The following DSE variants were observed in gnomAD, a reference collection of about 807,000 sequenced individuals.
The protein encoded by DSE is dermatan-sulfate epimerase.
In DSE, 36 loss-of-function variants were observed where a neutral mutation model predicts 84.4. The observed-to-expected ratio is 0.43, with a 90% CI of 0.33 to 0.56. DSE has a LOEUF of 0.56. Ranked by LOEUF, DSE falls within the 20% of genes least tolerant of loss-of-function variation. DSE has a pLI of 0.06. For synonymous variants in DSE, 410 were observed against 430.1 expected (o/e 0.95, Z 0.58); for missense variants, 862 against 1,169.6 (o/e 0.74, Z 3.84).
chr6:116,391,609 A>T (rs1006205691), intron 1 of DSE, among the ~76,000 whole-genome samples: 1 of 152,000 alleles, frequency 6.6e-6, no homozygotes, highest in Admixed American at 6.5e-5. Context: ...TACTAAAAAT[A>T]CAAAAAATTA....
intron 2 of DSE, among the ~76,000 whole-genome samples, chr6:116,290,469 A>G (rs1774210426): frequency 6.6e-6 from 1 of 152,128 alleles, no homozygotes; most frequent in Admixed American, 6.6e-5. Context: ...TTTAAAAGTA[A>G]TATCTCCTGC....
intron 2 of DSE, among the ~76,000 whole-genome samples, chr6:116,403,596 G>T (rs1303133324): frequency 6.6e-6 from 1 of 152,188 alleles, no homozygotes; most frequent in Non-Finnish European, 1.5e-5. Flanking sequence ...GAATGTGACA[G>T]TTGCTAAAAG....
intron 1 of DSE, among the ~76,000 whole-genome samples, chr6:116,395,920 G>A (rs113683762): frequency 2.0e-5 from 3 of 152,276 alleles, no homozygotes; most frequent in African/African-American, 7.2e-5. Flanking sequence ...CCTAAAACAA[G>A]TTTGGTTTAG....
At chr6:116,382,037 C>CTGTTTGTGTG (rs1554220227) in intron 1 of DSE, among the ~76,000 whole-genome samples, 1 of 144,770 alleles carries the variant, frequency 6.9e-6, no homozygotes, top group African/African-American at 2.6e-5. Flanking sequence ...ACATGGCATT[C>CTGTTTGTGTG]TGTGTGTGTG....
intron 1 of DSE, among the ~76,000 whole-genome samples, chr6:116,375,815 C>T (rs1779888990): frequency 6.6e-6 from 1 of 151,656 alleles, no homozygotes; most frequent in Non-Finnish European, 1.5e-5. Context: ...ACTTTTTTTT[C>T]AAAGAATTCA....
upstream of DSE, chr6:116,370,783 T>A: frequency 1.0e-6 from 1 of 970,192 alleles, no homozygotes; most frequent in Non-Finnish European, 1.2e-6. Context: ...CGGTCGGGGT[T>A]CGGCCGGGGG....
chr6:116,362,432 G>A (rs1396563036), intron 2 of DSE, among the ~76,000 whole-genome samples: 1 of 152,154 alleles, frequency 6.6e-6, no homozygotes, highest in Non-Finnish European at 1.5e-5. Context: ...TGGAAATAGA[G>A]CTTTTAGGAT....
At chr6:116,259,501 C>G (rs937932860) in intron 2 of DSE, among the ~76,000 whole-genome samples, 3 of 152,186 alleles carry the variant, frequency 2.0e-5, no homozygotes, top group African/African-American at 7.2e-5. Flanking sequence ...TAAGACACAT[C>G]TTTTTTCCCC....
intron 2 of DSE, among the ~76,000 whole-genome samples, chr6:116,362,506 C>CT (rs1778960079): frequency 6.6e-6 from 1 of 152,198 alleles, no homozygotes; most frequent in African/African-American, 2.4e-5. Context: ...AGAAATCACT[C>CT]TATCTCCATG....
At chr6:116,326,293 C>T (rs1441089764) in intron 2 of DSE, among the ~76,000 whole-genome samples, 1 of 151,954 alleles carries the variant, frequency 6.6e-6, no homozygotes, top group African/African-American at 2.4e-5. Context: ...GTCATAGCCT[C>T]TAGAGACGAA....
chr6:116,293,719 T>C (rs1168387139), intron 2 of DSE, among the ~76,000 whole-genome samples: 1 of 151,944 alleles, frequency 6.6e-6, no homozygotes, highest in Non-Finnish European at 1.5e-5. Context: ...CTAGGAAACA[T>C]AGCGAGACTT....
rs143136595 is a variant in DSE at position 116,390,510 on chromosome 6, A to G, written c.-53-8688A>G. ...CTGCAAAGCATAACAGGCAAAAATT[A>G]CTACTTTTTAAGTGATTCAGCATAA... On this transcript the variant is annotated intron_variant, in intron 1 of 5. Coordinates refer to ENST00000644252, the MANE Select transcript of DSE (RefSeq NM_013352.4). Among the ~76,000 whole-genome samples the G allele has an allele frequency of 1.1e-4, 17 of 152,346 alleles. No individual in the cohort carries two copies. The East Asian group carries it at 3.3e-3, about 29-fold the overall frequency.
chr6:116,302,013 A>G (rs554853970), intron 2 of DSE, among the ~76,000 whole-genome samples: 41 of 152,176 alleles, frequency 2.7e-4, no homozygotes, highest in Middle Eastern at 3.4e-3. Context: ...TATGTGCCAC[A>G]TTTTCTTAAT....
chr6:116,301,426 G>GTATC (rs1562214990), intron 2 of DSE, among the ~76,000 whole-genome samples: 1 of 152,184 alleles, frequency 6.6e-6, no homozygotes, highest in East Asian at 1.9e-4. Flanking sequence ...TGCTCCTTGG[G>GTATC]TATCCTTCTG....
At chr6:116,294,691 C>T (rs1774544839) in intron 2 of DSE, among the ~76,000 whole-genome samples, 1 of 152,138 alleles carries the variant, frequency 6.6e-6, no homozygotes, top group Non-Finnish European at 1.5e-5. Flanking sequence ...TGAATCATGG[C>T]ATTACCAGTG....
chr6:116,427,736 C>T (rs1273617889), intron 3 of DSE, among the ~76,000 whole-genome samples: 1 of 152,224 alleles, frequency 6.6e-6, no homozygotes, highest in African/African-American at 2.4e-5. Flanking sequence ...TTTGGACCCA[C>T]TTCTGGCCAT....
At chr6:116,288,311 TTA>T (rs1257663436) in intron 2 of DSE, 6 of 152,120 alleles carry the variant, frequency 3.9e-5, no homozygotes, top group Admixed American at 1.3e-4. Flanking sequence ...GATGGTAATA[TTA>T]TTTGTATTAT....
intron 2 of DSE, among the ~76,000 whole-genome samples, chr6:116,410,732 T>C (rs1370712471): frequency 4.8e-5 from 1 of 20,820 alleles, no homozygotes; most frequent in Admixed American, 8.4e-4. Flanking sequence ...AGACTCTGTC[T>C]CAAAAAAAAA....
intron 2 of DSE, among the ~76,000 whole-genome samples, chr6:116,270,548 T>C (rs1439061267): frequency 1.3e-5 from 2 of 152,218 alleles, no homozygotes; most frequent in Non-Finnish European, 2.9e-5. Context: ...ATATTTGAAC[T>C]GCTTTGGTCC....
Sources: allele counts gnomAD v4.1 joint callset (sites outside exome capture counted in the v4.1 genomes callset), GRCh38; gene constraint gnomAD v4.1.1; transcripts MANE v1.5; gene names NCBI Gene and HGNC (gene_info 2026-07-23, HGNC 2026-07-21).